Variants in CTNND2 observed in about 807,000 individuals in gnomAD.
The protein encoded by CTNND2 is catenin delta-2.
In CTNND2, 22 loss-of-function variants were observed where a neutral mutation model predicts 144.4. The observed-to-expected ratio is 0.15, with a 90% CI of 0.11 to 0.22. CTNND2 has a LOEUF of 0.22. Among genes scored for constraint, CTNND2 ranks in the 10% least tolerant of loss-of-function variants. CTNND2 has a pLI of 1.00. For synonymous variants in CTNND2, 751 were observed against 695.6 expected (o/e 1.08, Z -1.25); for missense variants, 1,353 against 1,618.8 (o/e 0.84, Z 2.82).
At chr5:11,222,586 A>C (rs1739909454) in intron 10 of CTNND2, among the ~76,000 whole-genome samples, 5 of 152,156 alleles carry the variant, frequency 3.3e-5, no homozygotes, top group Non-Finnish European at 5.9e-5. Flanking sequence ...CTGGAGGATC[A>C]CTTGAGTCTG....
At chr5:11,902,549 T>C (rs1168784951) in intron 1 of CTNND2, among the ~76,000 whole-genome samples, 2 of 151,528 alleles carry the variant, frequency 1.3e-5, no homozygotes, top group Non-Finnish European at 1.5e-5. Context: ...TCCTAGGGAG[T>C]TTCAGCACCT....
intron 9 of CTNND2, among the ~76,000 whole-genome samples, chr5:11,269,820 C>A (rs1745811675): frequency 6.6e-6 from 1 of 152,080 alleles, no homozygotes; most frequent in Non-Finnish European, 1.5e-5. Flanking sequence ...TCTGTATTTA[C>A]TTCAATATAA....
intron 9 of CTNND2, among the ~76,000 whole-genome samples, chr5:11,244,161 A>C (rs575788791): frequency 6.6e-6 from 1 of 152,206 alleles, no homozygotes; most frequent in East Asian, 1.9e-4. Context: ...CAAAATGGAG[A>C]TATTTACATT....
At chr5:11,302,956 G>A (rs555415521) in intron 9 of CTNND2, among the ~76,000 whole-genome samples, 1 of 152,162 alleles carries the variant, frequency 6.6e-6, no homozygotes, top group Non-Finnish European at 1.5e-5. Context: ...AGTTATCCCA[G>A]AGTGTTCAGA....
chr5:11,441,433 T>C (rs1581202945), intron 3 of CTNND2, among the ~76,000 whole-genome samples: 2 of 149,326 alleles, frequency 1.3e-5, no homozygotes, highest in African/African-American at 4.9e-5. Flanking sequence ...GGCTGGAGTG[T>C]AGTGGCATGA....
At chr5:11,102,831 T>C (rs1167436061) in intron 14 of CTNND2, among the ~76,000 whole-genome samples, 1 of 152,090 alleles carries the variant, frequency 6.6e-6, no homozygotes, top group Non-Finnish European at 1.5e-5. Context: ...TAAAAAAAGG[T>C]CTGCTTAGGA....
intron 10 of CTNND2, among the ~76,000 whole-genome samples, chr5:11,222,683 G>A (rs1202793702): frequency 6.6e-6 from 1 of 152,158 alleles, no homozygotes; most frequent in Admixed American, 6.5e-5. Context: ...GCCATTGTCT[G>A]TAGTCCCAGC....
intron 9 of CTNND2, among the ~76,000 whole-genome samples, 197 bp from the exon 10 acceptor site, chr5:11,237,020 TTC>T (rs1363200000): frequency 6.6e-6 from 1 of 151,788 alleles, no homozygotes; most frequent in African/African-American, 2.4e-5. Context: ...TTTCTTTCTT[TTC>T]TTTTTTTTTT....
intron 16 of CTNND2, among the ~76,000 whole-genome samples, chr5:11,065,736 A>G (rs1001313326): frequency 1.3e-5 from 2 of 152,156 alleles, no homozygotes; most frequent in Non-Finnish European, 2.9e-5. Context: ...TTTACTTTCC[A>G]ATTTGACTCT....
At chr5:11,083,679 T>A (rs997160480) in intron 15 of CTNND2, among the ~76,000 whole-genome samples, 34 of 152,268 alleles carry the variant, frequency 2.2e-4, no homozygotes, top group African/African-American at 7.7e-4. Flanking sequence ...GAGAAGAGAG[T>A]ACAATATAAA....
intron 7 of CTNND2, among the ~76,000 whole-genome samples, chr5:11,365,181 T>C (rs1448140831): frequency 6.6e-6 from 1 of 152,222 alleles, no homozygotes; most frequent in Non-Finnish European, 1.5e-5. Context: ...CTAATGAATG[T>C]AGCTAGGTTC....
chr5:11,107,411 A>C (rs1037643155), intron 14 of CTNND2, among the ~76,000 whole-genome samples: 6 of 152,152 alleles, frequency 3.9e-5, no homozygotes, highest in African/African-American at 1.4e-4. Flanking sequence ...CTAGAGTCTC[A>C]CTTTTGGGTC....
intron 5 of CTNND2, among the ~76,000 whole-genome samples, chr5:11,403,878 T>C (rs1054596859): frequency 2.0e-5 from 3 of 152,208 alleles, no homozygotes; most frequent in Admixed American, 6.5e-5. Flanking sequence ...TTGCCCCCCG[T>C]TGATCTGCAT....
chr5:11,534,496 T>C (rs1774039079), intron 3 of CTNND2, among the ~76,000 whole-genome samples: 1 of 152,030 alleles, frequency 6.6e-6, no homozygotes, highest in East Asian at 1.9e-4. Flanking sequence ...TCCTAGCTAC[T>C]TGGGAGGCTG....
rs185533651 is a variant in CTNND2, at chr5:11,541,878, C to A, written c.287+23066G>T. On this transcript the variant is annotated intron_variant, in intron 3 of 21. Transcript: ENST00000304623. ...CCAAAAGCCTTTTCCAACTTTTATT[C>A]CTAATTGCTTCCCTCACCCCAAGCA... Among the ~76,000 whole-genome samples, 516 of 133,882 alleles carry A rather than the reference C, an allele frequency of 3.9e-3. 1 individual carries two copies. The highest frequency in any genetic ancestry group is 4.9e-3 in the Non-Finnish European group (310 of 63,734). The allele number at this position is 133,882 out of a possible 152,430, so 87.8% of individuals were successfully genotyped here. A position where few individuals can be genotyped will look rare whatever the true frequency, so the allele number is the denominator to read the frequency against.
Position 10,981,846 on chromosome 5 carries a change from G to A in CTNND2, c.3344C>T (p.Ala1115Val). ...CAAAGTTGAAATTCCAGTGTTTTGAGCTAAAAGCAAAAGGAAAACAAAAGT... is the reference window on the plus strand; with the variant it reads ...CAAAGTTGAAATTCCAGTGTTTTGAACTAAAAGCAAAAGGAAAACAAAAGT... ...EHTSRKDAMT[A>V]QNTGISTLYR... The change falls in exon 21 of 22, where the codon GCT (alanine) becomes GTT (valine). Residue 1115 changes from alanine (A) to valine (V), a missense_variant and splice_region_variant. By Grantham distance (64) the Ala-to-Val change is moderately conservative. Transcript: ENST00000304623. 1.2e-6 allele frequency: 2 copies of A among 1,612,842 alleles called. No individual in the cohort carries two copies. The highest frequency in any genetic ancestry group is 2.2e-5 in the East Asian group (1 of 44,876).
chr5:11,492,709 T>A (rs1027803217), intron 3 of CTNND2, among the ~76,000 whole-genome samples: 1 of 151,814 alleles, frequency 6.6e-6, no homozygotes, highest in African/African-American at 2.4e-5. Flanking sequence ...CTATCATTAA[T>A]AAAAATATAT....
At chr5:11,621,604 A>C (rs528649338) in intron 2 of CTNND2, among the ~76,000 whole-genome samples, 4 of 152,348 alleles carry the variant, frequency 2.6e-5, no homozygotes, top group African/African-American at 9.6e-5. Flanking sequence ...TACATAACAA[A>C]TACAATATGG....
intron 10 of CTNND2, among the ~76,000 whole-genome samples, chr5:11,212,470 A>C (rs1199755539): frequency 6.6e-6 from 1 of 152,224 alleles, no homozygotes; most frequent in African/African-American, 2.4e-5. Flanking sequence ...TTGAGAGCAC[A>C]TATGGTAGGG....
Sources: gnomAD v4.1 joint callset for allele counts (sites outside exome capture counted in the v4.1 genomes callset) on GRCh38, gnomAD v4.1.1 for gene constraint, MANE v1.5 for transcripts, NCBI Gene and HGNC (gene_info 2026-07-23, HGNC 2026-07-21) for gene names.